The following CFAP54 variants were observed in gnomAD, a reference collection of about 807,000 sequenced individuals.
CFAP54 encodes the protein cilia and flagella associated protein 54, also known as cilia- and flagella-associated protein 54.
A neutral mutation model predicts 370.4 loss-of-function variants in CFAP54; 290 were observed. The observed-to-expected ratio is 0.78, with a 90% CI of 0.71 to 0.86. The LOEUF (loss-of-function observed/expected upper bound fraction) is 0.86. Among genes scored for constraint, CFAP54 ranks in the 40% least tolerant of loss-of-function variants. CFAP54 has a pLI of 0.00. For missense variants in CFAP54, 3,399 were observed against 3,528.7 expected (o/e 0.96, Z 0.93); for synonymous variants, 1,206 against 1,236.5 (o/e 0.98, Z 0.52).
At chr12:96,847,242 C>T (rs369183061) in intron 66 of CFAP54, among the ~76,000 whole-genome samples, 4 of 151,986 alleles carry the variant, frequency 2.6e-5, no homozygotes, top group Middle Eastern at 3.4e-3. Context: ...CCCAGTGAGC[C>T]GCCCTCCCTC....
intron 56 of CFAP54, among the ~76,000 whole-genome samples, chr12:96,754,338 C>G (rs750725435): frequency 2.8e-4 from 42 of 152,088 alleles, no homozygotes; most frequent in Non-Finnish European, 5.3e-4. Flanking sequence ...ATACTTAAAA[C>G]TTATATATAA....
chr12:96,775,567 A>C (rs530833381), intron 60 of CFAP54, among the ~76,000 whole-genome samples: 1 of 152,358 alleles, frequency 6.6e-6, no homozygotes, highest in African/African-American at 2.4e-5. Context: ...AGTCCCACAT[A>C]AACACGTGTG....
intron 4 of CFAP54, among the ~76,000 whole-genome samples, chr12:96,512,157 C>T (rs772757400): frequency 3.3e-5 from 5 of 150,370 alleles, no homozygotes; most frequent in Admixed American, 2.0e-4. Context: ...GTGAATATAA[C>T]GTGCCCTGTT....
chr12:96,816,553 G>A (rs1482278906), intron 64 of CFAP54, among the ~76,000 whole-genome samples: 1 of 152,082 alleles, frequency 6.6e-6, no homozygotes, highest in African/African-American at 2.4e-5. Context: ...CTATCATTAG[G>A]ATAATCAAGT....
At chr12:96,864,663 C>T (rs535621945) in intron 67 of CFAP54, among the ~76,000 whole-genome samples, 35 of 152,272 alleles carry the variant, frequency 2.3e-4, no homozygotes, top group African/African-American at 7.5e-4. Flanking sequence ...TGTCTGCCTC[C>T]GAGGACTCCT....
At chr12:96,580,165 T>TC (rs1565902669) in intron 20 of CFAP54, among the ~76,000 whole-genome samples, 2 of 151,098 alleles carry the variant, frequency 1.3e-5, no homozygotes, top group Non-Finnish European at 2.9e-5. Flanking sequence ...TGAGTGTTAA[T>TC]CTTTTTTTTT....
chr12:96,538,364 C>T lies in CFAP54; in HGVS notation c.1792-20C>T, dbSNP rs979152491. ...TATTTTATTATTCCTACTCATTTACCTTCTCACTTTTGTTTTTAGGATGTT... is the reference window on the plus strand; with the variant it reads ...TATTTTATTATTCCTACTCATTTACTTTCTCACTTTTGTTTTTAGGATGTT... On this transcript the variant is annotated intron_variant, in intron 12 of 67. Transcript: ENST00000524981. 5 of 1,520,864 alleles carry T rather than the reference C, an allele frequency of 3.3e-6. No individual in the cohort carries two copies. Among genetic ancestry groups the T allele is most frequent in the African/African-American group, 1.4e-5 (1 of 72,680 alleles). The allele number at this position is 1,520,864 out of a possible 1,614,324, so 94.2% of individuals were successfully genotyped here. A position where few individuals can be genotyped will look rare whatever the true frequency, so the allele number is the denominator to read the frequency against.
intron 60 of CFAP54, among the ~76,000 whole-genome samples, chr12:96,765,919 C>A (rs1958398108): frequency 6.6e-6 from 1 of 152,104 alleles, no homozygotes; most frequent in African/African-American, 2.4e-5. Context: ...TTATTTCACT[C>A]AAAAAATATT....
chr12:96,626,917 C>T lies in CFAP54; in HGVS notation c.4081C>T (p.Pro1361Ser), dbSNP rs535428046. 1.8e-5 allele frequency: 26 copies of T among 1,411,938 alleles called. 1 individual carries two copies. The South Asian group carries it at 3.6e-4, about 19-fold the overall frequency. The allele number at this position is 1,411,938 out of a possible 1,614,324, so 87.5% of individuals were successfully genotyped here. A position where few individuals can be genotyped will look rare whatever the true frequency, so the allele number is the denominator to read the frequency against. The change falls in exon 30 of 68, where the codon CCT becomes TCT. Residue 1361 changes from proline to serine, a missense_variant. This residue lies in a region of CFAP54 where 2,796 missense variants were observed against 2,869.7 expected (regional missense o/e 0.97). Transcript: ENST00000524981. ...TCATCTTATGGTAGAGGTAACAACT[C>T]CTGTCCATGACTTCTTGAAAAGGTA... ...KFHLMVEVTT[P>S]VHDFLKRRNE...
intron 63 of CFAP54, among the ~76,000 whole-genome samples, chr12:96,799,594 A>G (rs546413455): frequency 6.6e-5 from 10 of 152,286 alleles, no homozygotes; most frequent in African/African-American, 2.2e-4. Context: ...ACTCTTGGTC[A>G]ATTATAATTC....
chr12:96,718,343 A>T (rs1050637717), intron 48 of CFAP54, 100 bp from the exon 49 acceptor site: 6 of 674,044 alleles, frequency 8.9e-6, no homozygotes, highest in Middle Eastern at 4.2e-4. Flanking sequence ...TGGGTGACAG[A>T]GCCAGACCCT....
chr12:96,822,902 T>C (rs557875414), intron 65 of CFAP54, among the ~76,000 whole-genome samples: 11 of 152,158 alleles, frequency 7.2e-5, no homozygotes, highest in Non-Finnish European at 1.2e-4. Flanking sequence ...GAGATTTTTG[T>C]TTCTTTTCTC....
At chr12:96,745,618 G>T (rs190944474) in intron 55 of CFAP54, among the ~76,000 whole-genome samples, 11 of 152,010 alleles carry the variant, frequency 7.2e-5, no homozygotes, top group Non-Finnish European at 1.0e-4. Flanking sequence ...CTCCCATTCT[G>T]TAGGTTGTCT....
At position 96,743,423 on chromosome 12, in the gene CFAP54, T is replaced by A; in HGVS notation, c.7241T>A (p.Leu2414Gln). Residue 2414 changes from leucine (L) to glutamine (Q), a missense_variant, in exon 53 of 68, where the codon CTG (leucine) becomes CAG (glutamine). By Grantham distance (113) the Leu-to-Gln change is moderately radical. Transcript: ENST00000524981. The stretch of plus-strand genomic sequence containing the variant: ...TTAGAGGATGATATGACAGATTGCC[T>A]GAGCCTCATCAATGAAGTGTGTATG... Reference protein sequence around the residue: ...IVKEDDMTDCLSLINEVCMEA... With the variant: ...IVKEDDMTDCQSLINEVCMEA... 6.2e-7 allele frequency: 1 copy of A among 1,613,980 alleles called. No homozygotes were observed. Among genetic ancestry groups the A allele is most frequent in the Non-Finnish European group, 8.5e-7 (1 of 1,179,918 alleles).
intron 62 of CFAP54, among the ~76,000 whole-genome samples, chr12:96,788,887 G>T (rs1453900425): frequency 3.3e-5 from 5 of 152,172 alleles, no homozygotes; most frequent in African/African-American, 7.2e-5. Flanking sequence ...CTCTCTCCTA[G>T]ATACTGGGAT....
rs143561331 is a variant in CFAP54, at chr12:96,832,844, T to C, written c.9171+3756T>C. Reference sequence around the variant, plus strand: ...TGGTGAAAGCACTGCCCATCCAAGATGGAAGATGGCTTCCAGCTAACTTCC... The same window carrying C: ...TGGTGAAAGCACTGCCCATCCAAGACGGAAGATGGCTTCCAGCTAACTTCC... On this transcript the variant is annotated intron_variant, in intron 66 of 67. Coordinates refer to ENST00000524981, the MANE Select transcript of CFAP54 (RefSeq NM_001306084.2). Among the ~76,000 whole-genome samples the C allele has an allele frequency of 2.7e-3, 405 of 152,270 alleles. 1 individual carries two copies. The highest frequency in any genetic ancestry group is 9.2e-3 in the African/African-American group (381 of 41,556).
chr12:96,553,258 CAGGAA>C (rs1335652250), intron 15 of CFAP54, among the ~76,000 whole-genome samples: 3 of 152,024 alleles, frequency 2.0e-5, no homozygotes, highest in Non-Finnish European at 4.4e-5. Context: ...CATATACCAG[CAGGAA>C]TAAGTTTCAA....
chr12:96,508,880 T>C (rs1955136548), intron 4 of CFAP54, among the ~76,000 whole-genome samples: 1 of 152,194 alleles, frequency 6.6e-6, no homozygotes. Flanking sequence ...CAAATAATTC[T>C]GCAATGAATA....
intron 42 of CFAP54, among the ~76,000 whole-genome samples, chr12:96,687,350 A>T (rs1397817990): frequency 6.6e-6 from 1 of 152,216 alleles, no homozygotes; most frequent in African/African-American, 2.4e-5. Context: ...AGCCTACCAC[A>T]CATAACACAT....
Sources: gnomAD v4.1 joint callset for allele counts (sites outside exome capture counted in the v4.1 genomes callset) on GRCh38, gnomAD v4.1.1 for gene constraint, gnomAD v4.1.1 regional missense constraint, MANE v1.5 for transcripts, NCBI Gene and HGNC (gene_info 2026-07-23, HGNC 2026-07-21) for gene names.